Variants in CD99L2 observed in about 807,000 individuals in gnomAD.
The protein encoded by CD99L2 is CD99 molecule like 2.
In CD99L2, 24 loss-of-function variants were observed where a neutral mutation model predicts 27.3. That is an observed-to-expected ratio of 0.88 (90% CI 0.64 to 1.24). CD99L2 has a LOEUF of 1.24. CD99L2 is among the 50% of genes most tolerant of loss of function. The pLI is 0.00. For missense variants in CD99L2, 255 were observed against 221.6 expected (o/e 1.15, Z -0.96); for synonymous variants, 97 against 87.9 (o/e 1.10, Z -0.58).
intron 9 of CD99L2, among the ~76,000 whole-genome samples, chrX:150,770,740 G>C (rs183977165): frequency 8.9e-4 from 101 of 113,015 alleles, no homozygotes; most frequent in African/African-American, 3.1e-3. Context: ...GCGGCCCGGG[G>C]GCCAGGGAGC....
intron 6 of CD99L2, 137 bp from the exon 7 acceptor site, chrX:150,793,893 C>T (rs1220559207): frequency 1.9e-5 from 8 of 422,111 alleles, no homozygotes; most frequent in South Asian, 1.1e-4. Context: ...TCTAAGAGGT[C>T]CCCCCAGACC....
intron 4 of CD99L2, among the ~76,000 whole-genome samples, chrX:150,803,571 G>C (rs1262271181): frequency 8.9e-6 from 1 of 111,891 alleles, no homozygotes. Context: ...CTGTGGCAGA[G>C]GGACAGACAG....
At chrX:150,789,117 T>A (rs1371041269) in intron 7 of CD99L2, among the ~76,000 whole-genome samples, 4 of 61,635 alleles carry the variant, frequency 6.5e-5, no homozygotes, top group Non-Finnish European at 8.0e-5. Flanking sequence ...TTATGAATTC[T>A]TTTTTTCTTT....
chrX:150,872,911 G>C (rs1557422225), intron 1 of CD99L2, among the ~76,000 whole-genome samples: 1 of 112,059 alleles, frequency 8.9e-6, no homozygotes, highest in Non-Finnish European at 1.9e-5. Flanking sequence ...AGCAGTCCCT[G>C]TTCAGTTGGC....
chrX:150,897,565 C>T (rs1396466590), intron 1 of CD99L2, among the ~76,000 whole-genome samples: 3 of 109,961 alleles, frequency 2.7e-5, no homozygotes, highest in African/African-American at 1.0e-4. Flanking sequence ...GTTTCCTGAG[C>T]TCACATATTT....
chrX:150,857,365 G>A (rs1041873360), intron 1 of CD99L2, among the ~76,000 whole-genome samples: 9 of 110,092 alleles, frequency 8.2e-5, no homozygotes, highest in African/African-American at 3.0e-4. Flanking sequence ...AAAACAGCAA[G>A]AGAAAAGCAT....
chrX:150,785,443 T>A (rs1557419532), intron 7 of CD99L2, among the ~76,000 whole-genome samples: 1 of 111,912 alleles, frequency 8.9e-6, no homozygotes, highest in Non-Finnish European at 1.9e-5. Flanking sequence ...GTTACAGACA[T>A]CAGTATCCTT....
chrX:150,855,481 AG>A (rs1557421710), intron 1 of CD99L2, among the ~76,000 whole-genome samples: 3 of 111,222 alleles, frequency 2.7e-5, no homozygotes, highest in Non-Finnish European at 1.9e-5. Context: ...AGAGACTGTG[AG>A]GGGGGAAGTG....
At chrX:150,824,645 GAAGA>G (rs2046337283) in intron 2 of CD99L2, among the ~76,000 whole-genome samples, 1 of 65,535 alleles carries the variant, frequency 1.5e-5, no homozygotes, top group African/African-American at 6.5e-5. Context: ...AGGAGGAGAA[GAAGA>G]AGAAGAAGAA....
chrX:150,837,441 G>C (rs1165389197), intron 1 of CD99L2, among the ~76,000 whole-genome samples: 2 of 110,982 alleles, frequency 1.8e-5, no homozygotes, highest in East Asian at 5.6e-4. Flanking sequence ...GTAGAGACAG[G>C]GTTTCACTAT....
At chrX:150,804,958 G>A (rs2045971248) in intron 4 of CD99L2, among the ~76,000 whole-genome samples, 1 of 111,970 alleles carries the variant, frequency 8.9e-6, no homozygotes, top group African/African-American at 3.2e-5. Context: ...GGCCGAGGCA[G>A]GAGGATCACC....
chrX:150,840,214 GA>G (rs1263366276), intron 1 of CD99L2, among the ~76,000 whole-genome samples: 1 of 75,779 alleles, frequency 1.3e-5, no homozygotes, highest in African/African-American at 4.9e-5. Context: ...AAAGAAAAAA[GA>G]AAAAAGAAAG....
chrX:150,850,480 CG>C (rs1426765787), intron 1 of CD99L2, among the ~76,000 whole-genome samples: 1 of 111,872 alleles, frequency 8.9e-6, no homozygotes, highest in Non-Finnish European at 1.9e-5. Context: ...CACCAGCGGA[CG>C]TGCACATAGA....
intron 4 of CD99L2, among the ~76,000 whole-genome samples, chrX:150,806,705 A>C (rs2045999297): frequency 9.0e-6 from 1 of 111,148 alleles, no homozygotes; most frequent in South Asian, 3.8e-4. Flanking sequence ...AGCCTGGCCA[A>C]CATGGTGAAA....
chrX:150,872,155 C>T (rs2047167125), intron 1 of CD99L2, among the ~76,000 whole-genome samples: 1 of 110,418 alleles, frequency 9.1e-6, no homozygotes, highest in African/African-American at 3.3e-5. Context: ...TGCTGGAGCC[C>T]GGGAGGTCAA....
chrX:150,884,195 T>C (rs1203388735), intron 1 of CD99L2, among the ~76,000 whole-genome samples: 1 of 112,153 alleles, frequency 8.9e-6, no homozygotes, highest in African/African-American at 3.2e-5. Context: ...AGCTTTTATT[T>C]GTATCAGTGA....
chrX:150,862,619 G>T (rs1557421932), intron 1 of CD99L2, among the ~76,000 whole-genome samples: 10 of 112,054 alleles, frequency 8.9e-5, no homozygotes. Context: ...TATGTGATTT[G>T]TTATAGCAGC....
Position 150,793,216 on chromosome X carries a change from A to G in CD99L2, c.496+475T>C, listed in dbSNP as rs782739949. On this transcript the variant is annotated intron_variant, in intron 7 of 10. Transcript: ENST00000370377. Reference sequence around the variant, plus strand: ...TGAAGTATACACATGAACTCTCTTGAACTATTTTTACAACTTCTTGTGAGA... The same window carrying G: ...TGAAGTATACACATGAACTCTCTTGGACTATTTTTACAACTTCTTGTGAGA... Among the ~76,000 whole-genome samples, 31 of 112,197 alleles carry G rather than the reference A, an allele frequency of 2.8e-4. No homozygotes were observed. In the Middle Eastern group the frequency reaches 0.014, roughly 50 times the overall value.
chrX:150,818,666 GAGAAAGATCTCAA>G, intron 2 of CD99L2: 1 of 135,695 alleles, frequency 7.4e-6, no homozygotes, highest in Non-Finnish European at 1.5e-5. Context: ...ATTAAAAAAA[GAGAAAGATCTCAA>G]ATCGATAACC....
Sources: allele counts gnomAD v4.1 joint callset (sites outside exome capture counted in the v4.1 genomes callset), GRCh38; gene constraint gnomAD v4.1.1; transcripts MANE v1.5; gene names NCBI Gene and HGNC (gene_info 2026-07-23, HGNC 2026-07-21).